Variants in PLCZ1 observed in about 807,000 individuals in gnomAD.
PLCZ1 encodes the protein phospholipase C zeta 1.
PLCZ1 carries 64 observed loss-of-function variants against 76.8 expected under a neutral mutation model. That is an observed-to-expected ratio of 0.83 (90% CI 0.68 to 1.03). PLCZ1 has a LOEUF of 1.03. PLCZ1 is among the 50% of genes least tolerant of loss of function. PLCZ1 has a pLI of 0.00. For missense variants in PLCZ1, 751 were observed against 713.7 expected (o/e 1.05, Z -0.60); for synonymous variants, 248 against 230.8 (o/e 1.07, Z -0.68).
Position 18,700,254 on chromosome 12 carries a change from G to A in PLCZ1, c.1018-304C>T, listed in dbSNP as rs563105487. Among the ~76,000 whole-genome samples, 442 of 151,670 alleles carry A rather than the reference G, an allele frequency of 2.9e-3. 2 individuals carry two copies. Among genetic ancestry groups the A allele is most frequent in the Middle Eastern group, 0.01 (3 of 294 alleles). ...ATTCCCATGAATTTTATAATTTTAG[G>A]AATTTTTGTCATTAATAAATTTATA... On this transcript the variant is annotated intron_variant, in intron 9 of 14. Transcript: ENST00000266505.
At chr12:18,702,311 G>A (rs1956053833) in intron 7 of PLCZ1, among the ~76,000 whole-genome samples, 1 of 151,894 alleles carries the variant, frequency 6.6e-6, no homozygotes, top group African/African-American at 2.4e-5. Context: ...AATATTTTCT[G>A]TCCTTCAAAC....
At chr12:18,650,341 ATATATATG>A in the PLCZ1 span, among the ~76,000 whole-genome samples, 1 of 133,246 alleles carries the variant, frequency 7.5e-6, no homozygotes, top group East Asian at 2.1e-4. Context: ...CTATATATAT[ATATATATG>A]TGTGTGTGTG....
chr12:18,705,036 A>C, intron 7 of PLCZ1, 130 bp downstream of exon 7: 2 of 1,144,164 alleles, frequency 1.7e-6, no homozygotes, highest in Non-Finnish European at 2.6e-6. Flanking sequence ...CATTGCAAAA[A>C]TAAACCTCTA....
chr12:18,651,760 C>A, the PLCZ1 span, among the ~76,000 whole-genome samples: 1 of 152,118 alleles, frequency 6.6e-6, no homozygotes, highest in Non-Finnish European at 1.5e-5. Flanking sequence ...CAAGGATAAC[C>A]AAGGGAAGGC....
At chr12:18,713,584 A>T (rs768767044) in intron 5 of PLCZ1, among the ~76,000 whole-genome samples, 5 of 152,152 alleles carry the variant, frequency 3.3e-5, no homozygotes, top group Non-Finnish European at 5.9e-5. Context: ...AATAATCCTT[A>T]TCTCTCTAAC....
chr12:18,687,419 A>C, intron 13 of PLCZ1, among the ~76,000 whole-genome samples: 1 of 152,164 alleles, frequency 6.6e-6, no homozygotes, highest in African/African-American at 2.4e-5. Flanking sequence ...TGTCTCCTTC[A>C]AGGTGATCCT....
At chr12:18,716,625 G>A (rs1336799321) in intron 5 of PLCZ1, among the ~76,000 whole-genome samples, 1 of 152,134 alleles carries the variant, frequency 6.6e-6, no homozygotes, top group Non-Finnish European at 1.5e-5. Context: ...CGGCTGCTAG[G>A]AAACTTACAG....
intron 6 of PLCZ1, among the ~76,000 whole-genome samples, chr12:18,706,674 T>A (rs1956649897): frequency 6.6e-6 from 1 of 152,314 alleles, no homozygotes; most frequent in African/African-American, 2.4e-5. Context: ...TATATACTTA[T>A]CAGGGCACAA....
chr12:18,734,416 T>C (rs895505636), intron 3 of PLCZ1, among the ~76,000 whole-genome samples: 4 of 152,112 alleles, frequency 2.6e-5, no homozygotes, highest in Non-Finnish European at 5.9e-5. Flanking sequence ...AGTGGCGCAA[T>C]CTCAGCTCAC....
downstream of PLCZ1, among the ~76,000 whole-genome samples, chr12:18,682,618 T>C (rs1370012837): frequency 6.6e-6 from 1 of 152,042 alleles, no homozygotes; most frequent in Non-Finnish European, 1.5e-5. Flanking sequence ...GATCCAAGCA[T>C]GTAAGTCCAC....
the PLCZ1 span, among the ~76,000 whole-genome samples, chr12:18,662,595 G>T: frequency 6.6e-6 from 1 of 152,064 alleles, no homozygotes; most frequent in Non-Finnish European, 1.5e-5. Context: ...TTGGTCTGCA[G>T]CTATACATTT....
intron 12 of PLCZ1, chr12:18,693,341 G>C: frequency 4.5e-6 from 7 of 1,571,354 alleles, no homozygotes; most frequent in Non-Finnish European, 6.1e-6. Context: ...CAGATACTGG[G>C]GGGTTGGACA....
chr12:18,702,818 C>CT (rs71064022), intron 7 of PLCZ1, among the ~76,000 whole-genome samples: 84,559 of 116,096 alleles, frequency 0.73, 32,838 homozygotes, highest in South Asian at 0.89. Context: ...GATAAAGTAA[C>CT]TTTTTTTTTT....
At chr12:18,701,593 A>G (rs764868503) in intron 8 of PLCZ1, 25 bp from the exon 9 acceptor site, 2 of 1,606,168 alleles carry the variant, frequency 1.2e-6, no homozygotes, top group East Asian at 4.5e-5. Context: ...AATACTTCTG[A>G]TTCTTTGAAT....
In PLCZ1 at chr12:18,695,049, G is replaced by A; in HGVS notation, c.1322C>T (p.Pro441Leu). Residue 441 changes from proline to leucine, a missense_variant, in exon 12 of 15, where the codon CCC becomes CTC. Pro to Leu is a moderately conservative substitution (Grantham distance 98). Transcript: ENST00000266505. ...VALNFQTPGLPMDLQNGKFLD... is the reference protein window; with the variant it reads ...VALNFQTPGLLMDLQNGKFLD... ...AAATTTCCCATTTTGCAGATCCATG[G>A]GCAGACCAGGGGTCTGGAAATTTAA... The A allele has an allele frequency of 6.2e-7, 1 of 1,613,042 alleles. No individual in the cohort carries two copies. The highest frequency in any genetic ancestry group is 8.5e-7 in the Non-Finnish European group (1 of 1,179,356).
chr12:18,695,232 C>T lies in PLCZ1; in HGVS notation c.1292-153G>A, dbSNP rs574319292. ...CTAATAATTCATGATTTTTAAAACT[C>T]TTTCTCCTGCCATGTCTATATTAAT... On this transcript the variant is annotated intron_variant, in intron 11 of 14. Transcript: ENST00000266505. Among the ~76,000 whole-genome samples the T allele has an allele frequency of 1.7e-3, 262 of 152,268 alleles. 1 individual carries two copies. Among genetic ancestry groups the T allele is most frequent in the East Asian group, 2.1e-3 (11 of 5,178 alleles).
Position 18,737,438 on chromosome 12 carries a change from G to A in PLCZ1, c.-67C>T. ...CTTTCCCCAGTAGGTGCTGTCATGG[G>A]TTCCAAATACAATTAACTCTGCCCC... On this transcript the variant is annotated 5_prime_UTR_variant, in exon 2 of 15. Transcript: ENST00000266505. 6.2e-7 allele frequency: 1 copy of A among 1,605,912 alleles called. No homozygotes were observed. The highest frequency in any genetic ancestry group is 8.5e-7 in the Non-Finnish European group (1 of 1,172,816).
At chr12:18,650,746 A>G in the PLCZ1 span, among the ~76,000 whole-genome samples, 10,188 of 54,568 alleles carry the variant, frequency 0.19, 776 homozygotes, top group African/African-American at 0.28. Flanking sequence ...ATATATATAT[A>G]TATATATATA....
intron 12 of PLCZ1, 48 bp downstream of exon 12, chr12:18,694,862 A>G: frequency 7.2e-7 from 1 of 1,381,250 alleles, no homozygotes; most frequent in Non-Finnish European, 1.0e-6. Flanking sequence ...TACACTATCT[A>G]GTTTATATAA....
Sources: gnomAD v4.1 joint callset for allele counts (sites outside exome capture counted in the v4.1 genomes callset) on GRCh38, gnomAD v4.1.1 for gene constraint, MANE v1.5 for transcripts, NCBI Gene and HGNC (gene_info 2026-07-23, HGNC 2026-07-21) for gene names.